ZNF676: variants seen among roughly 807,000 people sequenced by gnomAD.
ZNF676 encodes zinc finger protein 676.
ZNF676 carries 4 observed loss-of-function variants against 6.0 expected under a neutral mutation model. The observed-to-expected ratio is 0.67, with a 90% CI of 0.33 to 1.53. The LOEUF (loss-of-function observed/expected upper bound fraction) is 1.53. Ranked by LOEUF, ZNF676 falls within the 40% of genes most tolerant of loss-of-function variation. The pLI is 0.06. For synonymous variants in ZNF676, 198 were observed against 223.1 expected, an observed-to-expected ratio of 0.89 and a Z score of 1.00; for missense variants, 644 against 679.7, an observed-to-expected ratio of 0.95 and a Z score of 0.58.
chr19:22,236,425 G>T, the ZNF676 span, among the ~76,000 whole-genome samples: 1 of 152,066 alleles, frequency 6.6e-6, no homozygotes, highest in Non-Finnish European at 1.5e-5. Context: ...GATGTTTTGG[G>T]TCCCCTGGAA....
the ZNF676 span, among the ~76,000 whole-genome samples, chr19:22,239,227 A>C: frequency 2.3e-5 from 3 of 128,512 alleles, no homozygotes; most frequent in African/African-American, 9.5e-5. Context: ...TTTGAGATGG[A>C]GTCTCGCTGT....
the ZNF676 span, among the ~76,000 whole-genome samples, chr19:22,232,832 A>T: frequency 4.6e-5 from 7 of 152,194 alleles, no homozygotes; most frequent in East Asian, 1.3e-3. Context: ...TCAAAGGTTG[A>T]GATAAATATT....
At chr19:22,245,072 T>C in the ZNF676 span, 2 of 152,144 alleles carry the variant, frequency 1.3e-5, no homozygotes, top group African/African-American at 4.8e-5. Context: ...CAGTGGTACA[T>C]CACAATTTCT....
chr19:22,203,712 A>T (rs2024048947), intron 1 of ZNF676: 1 of 152,174 alleles, frequency 6.6e-6, no homozygotes, highest in African/African-American at 2.4e-5. Context: ...CTCCTGTCTC[A>T]GCCTCCCAAA....
At position 22,181,425 on chromosome 19, in the gene ZNF676, A is replaced by G. The variant is rs780576772; in HGVS notation, c.292T>C (p.Tyr98His). 1.5e-4 allele frequency: 247 copies of G among 1,613,604 alleles called. No individual in the cohort carries two copies. The highest frequency in any genetic ancestry group is 1.9e-4 in the Non-Finnish European group (226 of 1,179,802). ...VDECNVHKEG[Y>H]NKLNQSLTTT... ...GTTAAACTCTGGTTAAGTTTATTAT[A>G]ACCTTCTTTGTGCACGTTACACTCA... The change falls in exon 3 of 3, where the codon TAT becomes CAT. Residue 98 changes from tyrosine to histidine, a missense_variant. Physicochemically the swap from Tyr to His is moderately conservative, Grantham distance 83 (BLOSUM62 2). Transcript: ENST00000397121.
rs533650030 is a variant in ZNF676 at position 22,181,121 on chromosome 19, C to T, written c.596G>A (p.Cys199Tyr). The T allele has an allele frequency of 7.3e-5, 118 of 1,613,788 alleles. 2 individuals carry two copies. The South Asian group carries it at 1.2e-3, about 16-fold the overall frequency. Reference sequence around the variant, plus strand: ...ACTAAAGGCTTTGCCACATTCTTCACATTTGTAGGGTTTCTCTCCAGTATG... The same window carrying T: ...ACTAAAGGCTTTGCCACATTCTTCATATTTGTAGGGTTTCTCTCCAGTATG... ...SIHTGEKPYK[C>Y]EECGKAFSKF... Residue 199 changes from cysteine (C) to tyrosine (Y), a missense_variant, in exon 3 of 3, where the codon TGT (cysteine) becomes TAT (tyrosine). Physicochemically the swap from Cys to Tyr is radical, Grantham distance 194. Around this residue, in one of 5 missense-constraint regions of ZNF676, gnomAD observed 280 missense variants for 269.3 expected, o/e 1.04. Transcript: ENST00000397121.
intron 1 of ZNF676, among the ~76,000 whole-genome samples, chr19:22,213,956 T>C (rs903155721): frequency 6.6e-6 from 1 of 152,192 alleles, no homozygotes; most frequent in African/African-American, 2.4e-5. Flanking sequence ...TATCTGTGTC[T>C]AGGGAAACTA....
chr19:22,236,875 C>T, the ZNF676 span, among the ~76,000 whole-genome samples: 37,049 of 152,102 alleles, frequency 0.24, 5,068 homozygotes, highest in South Asian at 0.43. Flanking sequence ...CTGTCCATTA[C>T]AGTAGCTATG....
the ZNF676 span, among the ~76,000 whole-genome samples, chr19:22,247,990 T>C: frequency 1.4e-5 from 2 of 145,584 alleles, no homozygotes; most frequent in African/African-American, 5.0e-5. Flanking sequence ...AGTGAGAACA[T>C]GCGGTGCTTG....
the ZNF676 span, among the ~76,000 whole-genome samples, chr19:22,234,187 C>T: frequency 6.6e-6 from 1 of 152,170 alleles, no homozygotes; most frequent in Non-Finnish European, 1.5e-5. Flanking sequence ...ACTGTAGCGC[C>T]ACAGCTGGGT....
rs554816191 is a variant in ZNF676 at position 22,196,761 on chromosome 19, T to C, written c.-128A>G. ...ACACACAAACACATATATTTACCAA[T>C]TGGTCATGGGCAGAACTTTTAATGT... On this transcript the variant is annotated 5_prime_UTR_variant, in exon 1 of 3. Coordinates refer to ENST00000397121, the MANE Select transcript of ZNF676 (RefSeq NM_001001411.3). The C allele has an allele frequency of 1.2e-4, 195 of 1,562,216 alleles. No homozygotes were observed. Among genetic ancestry groups the C allele is most frequent in the East Asian group, 1.8e-4 (8 of 44,558 alleles).
At chr19:22,215,933 GC>G (rs907539294), upstream of ZNF676, among the ~76,000 whole-genome samples, 9 of 152,186 alleles carry the variant, frequency 5.9e-5, no homozygotes, top group Admixed American at 4.6e-4. Context: ...AAGAAAGAGA[GC>G]CAACGTAGGC....
chr19:22,193,384 T>G lies in ZNF676; in HGVS notation c.35-273A>C, dbSNP rs180737804. Reference sequence around the variant, plus strand: ...TTTCTGCAGGCAGGTACTCTCACTGTGGAAAACTGGAACAGAGTAGGAGAT... The same window carrying G: ...TTTCTGCAGGCAGGTACTCTCACTGGGGAAAACTGGAACAGAGTAGGAGAT... On this transcript the variant is annotated intron_variant, in intron 1 of 2. Coordinates refer to ENST00000397121, the MANE Select transcript of ZNF676 (RefSeq NM_001001411.3). Among the ~76,000 whole-genome samples the G allele has an allele frequency of 1.2e-4, 19 of 152,192 alleles. No individual in the cohort carries two copies. In the East Asian group the frequency reaches 3.7e-3, roughly 29 times the overall value.
At chr19:22,190,056 A>T (rs1273506957) in intron 2 of ZNF676, among the ~76,000 whole-genome samples, 2 of 152,182 alleles carry the variant, frequency 1.3e-5, no homozygotes, top group Non-Finnish European at 2.9e-5. Flanking sequence ...ATTCTACTAT[A>T]AAGACACATG....
At chr19:22,190,669 A>ATATGTTG (rs2023896694) in intron 2 of ZNF676, among the ~76,000 whole-genome samples, 1 of 75,780 alleles carries the variant, frequency 1.3e-5, no homozygotes, top group African/African-American at 6.5e-5. Flanking sequence ...ATATATACAT[A>ATATGTTG]CACACTTTAA....
In ZNF676 at chr19:22,196,585, TAA is replaced by T. The variant is rs1568530947; in HGVS notation, c.34+13_34+14del. ...GTAGTATATACTAGGAATTGCGTAT[TAA>T]AGTTATTCTCACCCAGGAAGACCAG... On this transcript the variant is annotated intron_variant, in intron 1 of 2. Coordinates refer to ENST00000397121, the MANE Select transcript of ZNF676 (RefSeq NM_001001411.3). 1 of 1,613,604 alleles carries T rather than the reference TAA, an allele frequency of 6.2e-7. No individual in the cohort carries two copies. The highest frequency in any genetic ancestry group is 2.2e-5 in the East Asian group (1 of 44,876).
intron 1 of ZNF676, among the ~76,000 whole-genome samples, chr19:22,204,385 T>C (rs2144800260): frequency 6.6e-6 from 1 of 152,294 alleles, no homozygotes; most frequent in East Asian, 1.9e-4. Flanking sequence ...TGAATAACAA[T>C]ATTAAAATAA....
At chr19:22,198,201 A>G (rs923394185), upstream of ZNF676, among the ~76,000 whole-genome samples, 16 of 151,928 alleles carry the variant, frequency 1.1e-4, no homozygotes, top group African/African-American at 3.9e-4. Flanking sequence ...CCCCAATATG[A>G]ATTTTGAGTA....
At chr19:22,219,855 A>G (rs1162841826), upstream of ZNF676, among the ~76,000 whole-genome samples, 2 of 151,938 alleles carry the variant, frequency 1.3e-5, no homozygotes, top group African/African-American at 2.4e-5. Context: ...AGGTTTCACC[A>G]TGTTGGCCAA....
Sources: allele counts gnomAD v4.1 joint callset (sites outside exome capture counted in the v4.1 genomes callset), GRCh38; gene constraint gnomAD v4.1.1; regional missense constraint gnomAD v4.1.1; transcripts MANE v1.5; gene names NCBI Gene and HGNC (gene_info 2026-07-23, HGNC 2026-07-21).